The following DOCK1 variants were observed in gnomAD, a reference collection of about 807,000 sequenced individuals.
DOCK1 encodes the protein dedicator of cytokinesis 1.
DOCK1 carries 138 observed loss-of-function variants against 262.7 expected under a neutral mutation model. The ratio of observed to expected loss-of-function variants is 0.53; its 90% CI spans 0.46 to 0.61. The LOEUF (loss-of-function observed/expected upper bound fraction) is 0.61. DOCK1 is among the 20% of genes least tolerant of loss of function. DOCK1 has a pLI of 0.00. For synonymous variants in DOCK1, 866 were observed against 867.4 expected (o/e 1.00, Z 0.03); for missense variants, 1,908 against 2,370.7 (o/e 0.80, Z 4.05).
intron 29 of DOCK1, among the ~76,000 whole-genome samples, chr10:127,289,702 A>G (rs2061284384): frequency 6.6e-6 from 1 of 152,054 alleles, no homozygotes; most frequent in South Asian, 2.1e-4. Flanking sequence ...ATCTCAATGT[A>G]TGTTTTTTGG....
In DOCK1 at chr10:127,011,543, G is replaced by T. The variant is rs547749474; in HGVS notation, c.1059-689G>T. On this transcript the variant is annotated intron_variant, in intron 11 of 51. Coordinates refer to ENST00000623213, the MANE Select transcript of DOCK1 (RefSeq NM_001290223.2). ...TGTGCTACATGGTATTTCTATTTGG[G>T]CATATGCCCCCCGTTTGTAGCCAGT... 5.3e-5 allele frequency among the ~76,000 whole-genome samples: 8 copies of T among 152,250 alleles called. No individual in the cohort carries two copies. In the South Asian group the frequency reaches 1.4e-3, roughly 28 times the overall value.
intron 27 of DOCK1, among the ~76,000 whole-genome samples, chr10:127,128,268 T>C (rs894209596): frequency 1.8e-4 from 27 of 152,118 alleles, no homozygotes; most frequent in African/African-American, 6.3e-4. Context: ...GGTTCACTGC[T>C]GTCCTCTGCA....
chr10:127,330,621 A>C (rs1424546589), intron 29 of DOCK1, among the ~76,000 whole-genome samples: 2 of 152,196 alleles, frequency 1.3e-5, no homozygotes, highest in African/African-American at 4.8e-5. Context: ...ATAAATTTGG[A>C]AAGCAGAGCT....
In DOCK1 at chr10:126,926,267, T is replaced by C. The variant is rs373990689; in HGVS notation, c.46+20704T>C. Among the ~76,000 whole-genome samples the C allele has an allele frequency of 1.3e-4, 19 of 151,724 alleles. No homozygotes were observed. The South Asian group carries it at 3.1e-3, about 25-fold the overall frequency. On this transcript the variant is annotated intron_variant, in intron 1 of 51. Transcript: ENST00000623213. ...CTTTTCTTTCTTTCTTTTTTTTTTT[T>C]AAATACTAGAGAGCTGTTAAGAATC... is the stretch of plus-strand genomic sequence containing the variant.
rs375045397 is a variant in DOCK1, at chr10:127,309,922, C to T, written c.3045-29084C>T. 1.3e-4 allele frequency among the ~76,000 whole-genome samples: 19 copies of T among 151,152 alleles called. No individual in the cohort carries two copies. The South Asian group carries it at 3.8e-3, about 30-fold the overall frequency. On this transcript the variant is annotated intron_variant, in intron 29 of 51. Transcript: ENST00000623213. ...ACACAGTCTCACTCTACTACCCAGGCTGGAGTGCAGTGGCACGACCTCAGC... is the reference window on the plus strand; with the variant it reads ...ACACAGTCTCACTCTACTACCCAGGTTGGAGTGCAGTGGCACGACCTCAGC...
At chr10:127,333,376 A>G (rs1180402999) in intron 29 of DOCK1, among the ~76,000 whole-genome samples, 1 of 152,174 alleles carries the variant, frequency 6.6e-6, no homozygotes, top group African/African-American at 2.4e-5. Flanking sequence ...ATTGGCAGCA[A>G]ACACTGGGTA....
At chr10:127,389,888 C>T (rs1232125207) in intron 38 of DOCK1, among the ~76,000 whole-genome samples, 1 of 152,028 alleles carries the variant, frequency 6.6e-6, no homozygotes, top group Non-Finnish European at 1.5e-5. Context: ...GTGGCAGGCA[C>T]CTGTAATCCC....
chr10:126,913,668 A>T (rs2032135878), intron 1 of DOCK1, among the ~76,000 whole-genome samples: 1 of 152,204 alleles, frequency 6.6e-6, no homozygotes, highest in South Asian at 2.1e-4. Context: ...TGCACGTGGG[A>T]AACTGAGTAT....
At chr10:127,001,930 T>C (rs558571047) in intron 10 of DOCK1, among the ~76,000 whole-genome samples, 27 of 152,304 alleles carry the variant, frequency 1.8e-4, no homozygotes, top group African/African-American at 6.5e-4. Flanking sequence ...TGATGACAGC[T>C]CACTGCTGCC....
chr10:127,041,473 T>G (rs1165718398), intron 19 of DOCK1, among the ~76,000 whole-genome samples: 1 of 152,216 alleles, frequency 6.6e-6, no homozygotes, highest in Non-Finnish European at 1.5e-5. Flanking sequence ...ATTCATTAGT[T>G]GACACACATT....
chr10:127,194,328 T>A (rs2056951162), intron 27 of DOCK1, among the ~76,000 whole-genome samples: 2 of 152,194 alleles, frequency 1.3e-5, no homozygotes, highest in African/African-American at 4.8e-5. Flanking sequence ...TAGTAAATGA[T>A]TAATATCTGG....
intron 16 of DOCK1, among the ~76,000 whole-genome samples, chr10:127,028,686 TAGGTTTGAGTTG>T (rs1360971907): frequency 1.3e-5 from 2 of 152,178 alleles, no homozygotes; most frequent in Non-Finnish European, 2.9e-5. Flanking sequence ...TTGCAGAGCT[TAGGTTTGAGTTG>T]AGGTTTGAGA....
chr10:127,128,272 C>T (rs540967178), intron 27 of DOCK1, among the ~76,000 whole-genome samples: 1 of 151,906 alleles, frequency 6.6e-6, no homozygotes, highest in East Asian at 1.9e-4. Context: ...CACTGCTGTC[C>T]TCTGCACCCC....
chr10:127,202,707 G>A (rs1391504351), intron 27 of DOCK1, among the ~76,000 whole-genome samples: 1 of 152,198 alleles, frequency 6.6e-6, no homozygotes, highest in Non-Finnish European at 1.5e-5. Flanking sequence ...AGGGTGGCAG[G>A]TACTCGGTCC....
chr10:127,122,265 T>C (rs2076250445), intron 25 of DOCK1, among the ~76,000 whole-genome samples: 1 of 152,138 alleles, frequency 6.6e-6, no homozygotes, highest in African/African-American at 2.4e-5. Flanking sequence ...CGGACGGTAC[T>C]GTAAGGTGCC....
intron 51 of DOCK1, among the ~76,000 whole-genome samples, chr10:127,450,247 G>A (rs1407301487): frequency 6.6e-6 from 1 of 152,170 alleles, no homozygotes; most frequent in Non-Finnish European, 1.5e-5. Context: ...TGAATCAGGA[G>A]GAAATCTGGG....
At chr10:127,097,064 C>T (rs1278929015) in intron 23 of DOCK1, among the ~76,000 whole-genome samples, 1 of 152,108 alleles carries the variant, frequency 6.6e-6, no homozygotes, top group Non-Finnish European at 1.5e-5. Context: ...AAGATTACAC[C>T]ATTACACTCC....
In DOCK1 at chr10:126,922,305, A is replaced by G. The variant is rs533098836; in HGVS notation, c.46+16742A>G. On this transcript the variant is annotated intron_variant, in intron 1 of 51. Transcript: ENST00000623213. ...TCATGGTGCTGGCATCTGCTTCTGG[A>G]GAGGCATCCGGAAACTTCCAATCAT... 6.0e-3 allele frequency among the ~76,000 whole-genome samples: 906 copies of G among 150,946 alleles called. 10 individuals are homozygous for G. The highest frequency in any genetic ancestry group is 0.021 in the African/African-American group (863 of 41,028).
In DOCK1 at chr10:126,995,651, C is replaced by T. The variant is rs972937383; in HGVS notation, c.474-1097C>T. ...CGTGGAGAGAGAGGGAGAGGGAGAC[C>T]GTGGAGAGGGAGAGGGAGACCGTGG... On this transcript the variant is annotated intron_variant, in intron 6 of 51. Transcript: ENST00000623213. The surrounding 1 kb of genome is among the most constrained non-coding windows in gnomAD (Gnocchi z 5.8). Among the ~76,000 whole-genome samples the T allele has an allele frequency of 1.6e-4, 22 of 139,770 alleles. No homozygotes were observed. The highest frequency in any genetic ancestry group is 3.0e-4 in the Admixed American group (4 of 13,156). The allele number at this position is 139,770 out of a possible 152,430, so 91.7% of individuals were successfully genotyped here.
Sources: allele counts gnomAD v4.1 joint callset (sites outside exome capture counted in the v4.1 genomes callset), GRCh38; gene constraint gnomAD v4.1.1; non-coding constraint Gnocchi (gnomAD v3.1); transcripts MANE v1.5; gene names NCBI Gene and HGNC (gene_info 2026-07-23, HGNC 2026-07-21).